The following MS4A15 variants were observed in gnomAD, a reference collection of about 807,000 sequenced individuals.
The protein encoded by MS4A15 is membrane spanning 4-domains A15.
Under a neutral mutation model 20.6 loss-of-function variants are expected in MS4A15, and 22 were observed. The ratio of observed to expected loss-of-function variants is 1.07; its 90% confidence interval spans 0.76 to 1.52. MS4A15 has a LOEUF of 1.52. MS4A15 is among the 40% of genes most tolerant of loss of function. The probability of loss-of-function intolerance (pLI) is 0.00; values close to 1 mark genes in which losing one functional copy is unlikely to be tolerated. For missense variants in MS4A15, 312 were observed against 323.0 expected (o/e 0.97, Z 0.26); for synonymous variants, 129 against 129.3 (o/e 1.00, Z 0.02).
intron 1 of MS4A15, among the ~76,000 whole-genome samples, chr11:60,759,421 T>G (rs1853675508): frequency 1.3e-5 from 2 of 152,268 alleles, no homozygotes; most frequent in African/African-American, 4.8e-5. Context: ...CAGGGACCTC[T>G]GCCCAAGAAA....
At chr11:60,775,539 C>T in intron 6 of MS4A15, 66 bp from the exon 7 acceptor site, 1 of 1,277,012 alleles carries the variant, frequency 7.8e-7, no homozygotes, top group Non-Finnish European at 1.1e-6. Context: ...CACAAGGGGG[C>T]ACTATTGAAC....
At chr11:60,774,681 CA>C (rs1285227912) in intron 6 of MS4A15, among the ~76,000 whole-genome samples, 1 of 151,506 alleles carries the variant, frequency 6.6e-6, no homozygotes, top group Non-Finnish European at 1.5e-5. Context: ...CTTTGATTTC[CA>C]AAAAAAATGG....
intron 4 of MS4A15, 33 bp downstream of exon 4, chr11:60,771,380 A>G (rs1314540919): frequency 6.2e-7 from 1 of 1,613,300 alleles, no homozygotes; most frequent in Non-Finnish European, 8.5e-7. Context: ...AGGGGCGGGG[A>G]TGAAGCCACA....
At chr11:60,775,482 A>T (rs1243209317) in intron 6 of MS4A15, 123 bp from the exon 7 acceptor site, 1 of 740,314 alleles carries the variant, frequency 1.4e-6, no homozygotes, top group African/African-American at 1.7e-5. Context: ...TGAGCATGCG[A>T]TTCAGACTTG....
intron 1 of MS4A15, among the ~76,000 whole-genome samples, chr11:60,760,526 G>GA (rs1853712792): frequency 6.6e-6 from 1 of 152,246 alleles, no homozygotes. Context: ...CCATGCCGGA[G>GA]AAAAAACTAA....
intron 2 of MS4A15, among the ~76,000 whole-genome samples, chr11:60,765,235 G>T (rs73495034): frequency 0.036 from 5,488 of 152,202 alleles, 322 homozygotes; most frequent in African/African-American, 0.12. Flanking sequence ...TCCTAGGTTA[G>T]GTTTCAGTGT....
intron 1 of MS4A15, among the ~76,000 whole-genome samples, chr11:60,757,612 A>G (rs760497369): frequency 1.3e-5 from 2 of 152,126 alleles, no homozygotes; most frequent in Non-Finnish European, 2.9e-5. Flanking sequence ...CTCCCCCTAT[A>G]GAAAAGCCAT....
chr11:60,771,145 G>A (rs1245854917), intron 3 of MS4A15, 146 bp from the exon 4 acceptor site: 25 of 810,144 alleles, frequency 3.1e-5, no homozygotes, highest in South Asian at 2.3e-4. Flanking sequence ...CACCCCTGCC[G>A]AGAGACCCCA....
intron 1 of MS4A15, 102 bp downstream of exon 1, chr11:60,757,160 G>GT (rs1038367016): frequency 2.0e-5 from 3 of 152,200 alleles, no homozygotes; most frequent in Admixed American, 2.0e-4. Context: ...AACAGAAAGT[G>GT]TTTTTTAAAA....
At chr11:60,767,844 G>C (rs544413389) in intron 3 of MS4A15, among the ~76,000 whole-genome samples, 189 bp downstream of exon 3, 38 of 152,288 alleles carry the variant, frequency 2.5e-4, no homozygotes, top group African/African-American at 9.1e-4. Flanking sequence ...ACTTGAGCCT[G>C]ACCCCACCCC....
Position 60,767,636 on chromosome 11 carries a change from C to A in MS4A15, c.329C>A (p.Pro110His), listed in dbSNP as rs200521195. 7.6e-5 allele frequency: 118 copies of A among 1,554,272 alleles called. No homozygotes were observed. The highest frequency in any genetic ancestry group is 9.5e-5 in the South Asian group (8 of 83,816). The change falls in exon 3 of 7, where the codon CCC becomes CAC. Residue 110 changes from proline to histidine, a missense_variant. Coordinates refer to ENST00000405633, the MANE Select transcript of MS4A15 (RefSeq NM_001098835.2). The part of the protein sequence containing the change: ...VGIFFIEGGV[P>H]FWGGACFIIS... ...ATCTTCTTCATCGAGGGCGGCGTCC[C>A]CTTCTGGGGAGGAGCCTGCGTGAGT...
At position 60,775,998 on chromosome 11, in the gene MS4A15, G is replaced by T; in HGVS notation, c.*283G>T. On this transcript the variant is annotated 3_prime_UTR_variant, in exon 7 of 7. Coordinates refer to ENST00000405633, the MANE Select transcript of MS4A15 (RefSeq NM_001098835.2). ...CAGGACACCCACCTTGTGCATCTAAGCATTTCTCTGCTCATTGGGGAAATC... is the reference window on the plus strand; with the variant it reads ...CAGGACACCCACCTTGTGCATCTAATCATTTCTCTGCTCATTGGGGAAATC... The T allele has an allele frequency of 3.5e-6, 1 of 286,240 alleles. No individual in the cohort carries two copies. Among genetic ancestry groups the T allele is most frequent in the Non-Finnish European group, 6.6e-6 (1 of 151,340 alleles). The allele number at this position is 286,240 out of a possible 1,614,324, so 17.7% of individuals were successfully genotyped here.
At chr11:60,764,485 T>C (rs1337112998) in intron 2 of MS4A15, among the ~76,000 whole-genome samples, 1 of 152,182 alleles carries the variant, frequency 6.6e-6, no homozygotes, top group Non-Finnish European at 1.5e-5. Flanking sequence ...TGAAGGCACA[T>C]GAAGGATTTC....
rs533408827 is a variant in MS4A15 at position 60,767,528 on chromosome 11, C to T, written c.226-5C>T. The T allele has an allele frequency of 1.1e-5, 17 of 1,519,014 alleles. No individual in the cohort carries two copies. The highest frequency in any genetic ancestry group is 8.4e-5 in the African/African-American group (6 of 71,776). The allele number at this position is 1,519,014 out of a possible 1,614,324, so 94.1% of individuals were successfully genotyped here. On this transcript the variant is annotated splice_region_variant and splice_polypyrimidine_tract_variant and intron_variant, in intron 2 of 6. Transcript: ENST00000405633. ...CGCGGCACTGAGCCTCGGGGCTTCC[C>T]GCAGACGGTGCAGATCCTCATCGGC...
rs544490549 is a variant in MS4A15, at chr11:60,761,163, G to A, written c.-28-2543G>A. ...CTTCTTGGACGAGAGGTCGATGGATGCCCCTGTCTTACCCTTCAGTGGAAA... is the reference window on the plus strand; with the variant it reads ...CTTCTTGGACGAGAGGTCGATGGATACCCCTGTCTTACCCTTCAGTGGAAA... On this transcript the variant is annotated intron_variant, in intron 1 of 6. Coordinates refer to ENST00000405633, the MANE Select transcript of MS4A15 (RefSeq NM_001098835.2). Among the ~76,000 whole-genome samples, 15 of 152,258 alleles carry A rather than the reference G, an allele frequency of 9.9e-5. No homozygotes were observed. In the East Asian group the frequency reaches 2.7e-3, roughly 27 times the overall value.
chr11:60,772,231 G>T (rs193135101), intron 4 of MS4A15, among the ~76,000 whole-genome samples: 3 of 152,286 alleles, frequency 2.0e-5, no homozygotes, highest in Admixed American at 2.0e-4. Flanking sequence ...CAAGGGGTGG[G>T]CCGAGAGGGA....
intron 4 of MS4A15, among the ~76,000 whole-genome samples, chr11:60,772,726 C>G (rs969875537): frequency 7.9e-5 from 12 of 152,142 alleles, no homozygotes; most frequent in Non-Finnish European, 1.5e-5. Context: ...GTCACGAGAC[C>G]GTCAGGTTCG....
In MS4A15 at chr11:60,768,621, C is replaced by T. The variant is rs180762620; in HGVS notation, c.348+966C>T. Among the ~76,000 whole-genome samples the T allele has an allele frequency of 7.3e-3, 1,117 of 152,276 alleles. 8 individuals are homozygous for T. The highest frequency in any genetic ancestry group is 0.012 in the Non-Finnish European group (785 of 68,028). ...ATGTTAAGATGGAGTCCCTTGGGCA[C>T]GTCACTGAATCTCGATACTCAACTT... is the stretch of plus-strand genomic sequence containing the variant. On this transcript the variant is annotated intron_variant, in intron 3 of 6. Transcript: ENST00000405633.
intron 1 of MS4A15, among the ~76,000 whole-genome samples, chr11:60,762,282 G>A (rs1453164377): frequency 6.6e-6 from 1 of 152,174 alleles, no homozygotes; most frequent in African/African-American, 2.4e-5. Context: ...ATGGCTGGGG[G>A]ATCAGCAGCT....
Sources: gnomAD v4.1 joint callset for allele counts (sites outside exome capture counted in the v4.1 genomes callset) on GRCh38, gnomAD v4.1.1 for gene constraint, MANE v1.5 for transcripts, NCBI Gene and HGNC (gene_info 2026-07-23, HGNC 2026-07-21) for gene names.